The following DMD variants were observed in gnomAD, a reference collection of about 807,000 sequenced individuals.
DMD encodes the protein mutant dystrophin.
Under a neutral mutation model 330.1 loss-of-function variants are expected in DMD, and 63 were observed. The ratio of observed to expected loss-of-function variants is 0.19; its 90% CI spans 0.16 to 0.24. The LOEUF is 0.24. Among genes scored for constraint, DMD ranks in the 10% least tolerant of loss-of-function variants. DMD has a pLI of 1.00. For missense variants in DMD, 3,344 were observed against 2,684.1 expected (o/e 1.25, Z -5.43); for synonymous variants, 1,223 against 959.8 (o/e 1.27, Z -5.07).
At chrX:32,429,606 T>C (rs5927988) in intron 29 of DMD, among the ~76,000 whole-genome samples, 3 of 108,847 alleles carry the variant, frequency 2.8e-5, no homozygotes, top group Non-Finnish European at 5.7e-5. Context: ...TTCTGTTTTG[T>C]TTTCCTTCTT....
At chrX:32,391,709 G>T (rs2098003952) in intron 30 of DMD, among the ~76,000 whole-genome samples, 1 of 111,875 alleles carries the variant, frequency 8.9e-6, no homozygotes, top group African/African-American at 3.2e-5. Context: ...CTAGGTGCAT[G>T]ACGTTATTTA....
At chrX:32,543,351 A>T (rs10522005) in intron 17 of DMD, among the ~76,000 whole-genome samples, 1 of 108,899 alleles carries the variant, frequency 9.2e-6, no homozygotes, top group African/African-American at 3.4e-5. Flanking sequence ...TTTCCAACAC[A>T]ATCCATTCTC....
chrX:33,126,820 T>A (rs180753314), intron 1 of DMD, among the ~76,000 whole-genome samples: 69 of 111,780 alleles, frequency 6.2e-4, no homozygotes, highest in Non-Finnish European at 1.1e-3. Context: ...ACACAGCTTT[T>A]GATGAAATGT....
chrX:32,744,460 A>G (rs955662398), intron 7 of DMD, among the ~76,000 whole-genome samples: 8 of 111,300 alleles, frequency 7.2e-5, no homozygotes, highest in African/African-American at 2.6e-4. Context: ...TAATGATTAA[A>G]AACTGTGCAC....
chrX:32,334,617 T>G (rs1483345443), intron 41 of DMD, among the ~76,000 whole-genome samples: 1 of 111,567 alleles, frequency 9.0e-6, no homozygotes, highest in Non-Finnish European at 1.9e-5. Context: ...CTGCTTAAAT[T>G]TAAGGAAATC....
chrX:32,334,799 G>A (rs1027168844), intron 41 of DMD, among the ~76,000 whole-genome samples: 12 of 111,766 alleles, frequency 1.1e-4, no homozygotes, highest in African/African-American at 3.9e-4. Context: ...CCCCTTCATA[G>A]AAAGTCATAA....
chrX:33,137,043 A>T (rs2148566006), intron 1 of DMD, among the ~76,000 whole-genome samples: 2 of 111,040 alleles, frequency 1.8e-5, no homozygotes, highest in Non-Finnish European at 3.8e-5. Context: ...TTATCACATA[A>T]AAATACCTCT....
chrX:32,066,037 T>C (rs374430075), intron 44 of DMD, among the ~76,000 whole-genome samples: 9 of 111,780 alleles, frequency 8.1e-5, no homozygotes, highest in African/African-American at 2.9e-4. Context: ...TGTTTCTAGT[T>C]CTTACTGTAA....
At chrX:32,660,251 A>C (rs181513919) in intron 9 of DMD, among the ~76,000 whole-genome samples, 1,204 of 109,474 alleles carry the variant, frequency 0.011, 21 homozygotes, top group African/African-American at 0.038. Flanking sequence ...TAAAAAAAAA[A>C]CTCAAAATCA....
chrX:31,379,761 C>T (rs1163805280), intron 60 of DMD, among the ~76,000 whole-genome samples: 1 of 112,195 alleles, frequency 8.9e-6, no homozygotes, highest in Non-Finnish European at 1.9e-5. Context: ...GAATGGCCTC[C>T]CCCAGGAGCT....
In DMD at chrX:32,452,438, AG is replaced by A. The variant is rs754708656; in HGVS notation, c.3603+2223del. On this transcript the variant is annotated intron_variant, in intron 26 of 78. Transcript: ENST00000357033. ...AAGGGAAAGGGAAAGGGAAAGGGAAAGGGAAAGGAAAGGAAAGGAAAGGAAA... is the reference window on the plus strand; with the variant it reads ...AAGGGAAAGGGAAAGGGAAAGGGAAAGGAAAGGAAAGGAAAGGAAAGGAAA... Among the ~76,000 whole-genome samples, 77 of 23,435 alleles carry A rather than the reference AG, an allele frequency of 3.3e-3. 5 individuals are homozygous for A. The highest frequency in any genetic ancestry group is 4.5e-3 in the Non-Finnish European group (53 of 11,763). 20.4% of individuals were successfully genotyped at this position (23,435 alleles called of 115,157 possible).
chrX:31,618,624 A>T (rs765365975), intron 55 of DMD, among the ~76,000 whole-genome samples: 36 of 111,964 alleles, frequency 3.2e-4, no homozygotes, highest in African/African-American at 1.1e-3. Context: ...AATGGGTAGG[A>T]CAGTAGAGTT....
intron 7 of DMD, among the ~76,000 whole-genome samples, chrX:32,782,767 A>G (rs184449147): frequency 2.1e-3 from 234 of 110,031 alleles, no homozygotes; most frequent in Middle Eastern, 4.7e-3. Context: ...TAATTAGTTT[A>G]TAACTCAAAG....
At chrX:33,276,432 C>T (rs767754862) in intron 1 of DMD, among the ~76,000 whole-genome samples, 14 of 111,093 alleles carry the variant, frequency 1.3e-4, no homozygotes, top group Non-Finnish European at 2.3e-4. Context: ...AAGAAAATGG[C>T]AACTCAAGGT....
chrX:32,424,729 A>T (rs1280519474), intron 29 of DMD, among the ~76,000 whole-genome samples: 1 of 110,152 alleles, frequency 9.1e-6, no homozygotes, highest in East Asian at 2.9e-4. Flanking sequence ...TTTGGGAAAA[A>T]CAGCCAACAG....
chrX:32,553,512 C>T (rs1569186258), intron 16 of DMD, among the ~76,000 whole-genome samples: 1 of 110,767 alleles, frequency 9.0e-6, no homozygotes, highest in Non-Finnish European at 1.9e-5. Context: ...ACCCCTGTGA[C>T]ATGCAATTTA....
intron 1 of DMD, among the ~76,000 whole-genome samples, chrX:33,071,752 A>C (rs922075489): frequency 8.9e-5 from 10 of 111,781 alleles, no homozygotes; most frequent in African/African-American, 3.2e-4. Context: ...TTTTAAAAGG[A>C]GTCACATTAA....
At chrX:33,010,242 ATG>A (rs748162887) in intron 2 of DMD, among the ~76,000 whole-genome samples, 120 of 106,955 alleles carry the variant, frequency 1.1e-3, no homozygotes, top group Non-Finnish European at 1.7e-3. Context: ...ATATGTACAT[ATG>A]TGTGTATATA....
chrX:32,346,330 T>C (rs764773639), intron 38 of DMD, among the ~76,000 whole-genome samples: 1 of 110,883 alleles, frequency 9.0e-6, no homozygotes, highest in African/African-American at 3.3e-5. Context: ...GATGGGGGAG[T>C]GTGGTACTTC....
Sources: gnomAD v4.1 joint callset for allele counts (sites outside exome capture counted in the v4.1 genomes callset) on GRCh38, gnomAD v4.1.1 for gene constraint, MANE v1.5 for transcripts, NCBI Gene and HGNC (gene_info 2026-07-23, HGNC 2026-07-21) for gene names.